Variants in RFC5 observed in about 807,000 individuals in gnomAD.
RFC5 encodes A1 36 kDa subunit.
In RFC5, 26 loss-of-function variants were observed where a neutral mutation model predicts 44.3. That is an observed-to-expected ratio of 0.59 (90% confidence interval 0.43 to 0.81). RFC5 has a LOEUF of 0.81. Among genes scored for constraint, RFC5 ranks in the 40% least tolerant of loss-of-function variants. The probability of loss-of-function intolerance (pLI) is 0.00; values close to 1 mark genes in which losing one functional copy is unlikely to be tolerated. For synonymous variants in RFC5, 155 were observed against 155.2 expected, an observed-to-expected ratio of 1.00 and a Z score of 0.01; for missense variants, 328 against 418.6, an observed-to-expected ratio of 0.78 and a Z score of 1.89.
chr12:118,023,353 C>T (rs928689941), intron 5 of RFC5, among the ~76,000 whole-genome samples: 5 of 142,182 alleles, frequency 3.5e-5, no homozygotes, highest in South Asian at 2.3e-4. Context: ...GAGTTTGTGG[C>T]GAGGGAGTAG....
In RFC5 at chr12:118,016,843, C is replaced by T. The variant is rs374435153; in HGVS notation, c.16C>T (p.Leu6Phe). The T allele has an allele frequency of 3.7e-6, 6 of 1,613,398 alleles. No homozygotes were observed. Among genetic ancestry groups the T allele is most frequent in the African/African-American group, 2.7e-5 (2 of 74,916 alleles). Residue 6 changes from leucine (L) to phenylalanine (F), a missense_variant, in exon 1 of 11, where the codon CTC becomes TTC. By Grantham distance (22) the Leu-to-Phe change is conservative. Coordinates refer to ENST00000454402, the MANE Select transcript of RFC5 (RefSeq NM_007370.7). Reference sequence around the variant, plus strand: ...TCTCCCCGCCATGGAGACCTCAGCACTCAAGCAGCAGGAGCAGCCCGCGGC... The same window carrying T: ...TCTCCCCGCCATGGAGACCTCAGCATTCAAGCAGCAGGAGCAGCCCGCGGC... METSA[L>F]KQQEQPAATK...
intron 10 of RFC5, 62 bp downstream of exon 10, chr12:118,029,887 T>G (rs2031203784): frequency 2.5e-6 from 3 of 1,221,432 alleles, no homozygotes; most frequent in Non-Finnish European, 1.2e-6. Flanking sequence ...TGTGAGTTAT[T>G]TGTTTCAACT....
At chr12:118,024,135 A>C (rs865925051) in intron 5 of RFC5, among the ~76,000 whole-genome samples, 17 of 152,014 alleles carry the variant, frequency 1.1e-4, no homozygotes, top group African/African-American at 4.1e-4. Flanking sequence ...AGGTCAGGAG[A>C]TCGAGACCAT....
chr12:118,031,955 T>C lies in RFC5; in HGVS notation c.*677T>C, dbSNP rs1251177329. The C allele has an allele frequency of 2.6e-5, 4 of 152,254 alleles. No homozygotes were observed. The highest frequency in any genetic ancestry group is 5.9e-5 in the Non-Finnish European group (4 of 68,044). 9.4% of individuals were successfully genotyped at this position (152,254 alleles called of 1,614,324 possible). ...GCTGTATAAAACGCACTTGTTTTCA[T>C]GCAGGAGCGGGGCAAGTAAGGTTGA... On this transcript the variant is annotated 3_prime_UTR_variant, in exon 11 of 11. Transcript: ENST00000454402.
At chr12:118,030,687 G>A (rs1284259740) in intron 10 of RFC5, among the ~76,000 whole-genome samples, 1 of 152,182 alleles carries the variant, frequency 6.6e-6, no homozygotes, top group African/African-American at 2.4e-5. Flanking sequence ...CGCCCAGGCT[G>A]GAGTGCAGTG....
chr12:118,023,411 A>AGGT (rs1187924925), intron 5 of RFC5, among the ~76,000 whole-genome samples: 1 of 30,362 alleles, frequency 3.3e-5, no homozygotes, highest in African/African-American at 2.2e-4. Context: ...GAGGAGGAGG[A>AGGT]GGGGGGAGGA....
Position 118,016,764 on chromosome 12 carries a change from CACTGTGCAG to C in RFC5, c.-63_-55del. Reference sequence around the variant, plus strand: ...GTCTCAGGGTCAGGTCGCGGCTGGTCACTGTGCAGGCGCTTGGGTGACGCGACGATCTCA... The same window carrying C: ...GTCTCAGGGTCAGGTCGCGGCTGGTCGCGCTTGGGTGACGCGACGATCTCA... On this transcript the variant is annotated 5_prime_UTR_variant, in exon 1 of 11. Transcript: ENST00000454402. The C allele has an allele frequency of 1.4e-6, 2 of 1,403,470 alleles. No homozygotes were observed. The highest frequency in any genetic ancestry group is 2.0e-6 in the Non-Finnish European group (2 of 1,008,740). The allele number at this position is 1,403,470 out of a possible 1,614,324, so 86.9% of individuals were successfully genotyped here. A position where few individuals can be genotyped will look rare whatever the true frequency, so the allele number is the denominator to read the frequency against.
intron 4 of RFC5, 39 bp downstream of exon 4, chr12:118,021,024 A>T (rs768221441): frequency 1.1e-4 from 135 of 1,278,458 alleles, no homozygotes; most frequent in Non-Finnish European, 1.4e-4. Flanking sequence ...CTTGATTTTG[A>T]TTAGTAAGAT....
At position 118,024,449 on chromosome 12, in the gene RFC5, A is replaced by G. The variant is rs533477224; in HGVS notation, c.422-402A>G. Among the ~76,000 whole-genome samples, 40 of 151,782 alleles carry G rather than the reference A, an allele frequency of 2.6e-4. No individual in the cohort carries two copies. The South Asian group carries it at 7.9e-3, about 30-fold the overall frequency. ...GTTTACATTCTTTCTTTTTTGAGAC[A>G]GAGTCTCACTCTGTTGCCCACGCTG... On this transcript the variant is annotated intron_variant, in intron 5 of 10. Coordinates refer to ENST00000454402, the MANE Select transcript of RFC5 (RefSeq NM_007370.7).
In RFC5 at chr12:118,031,973, A is replaced by G. The variant is rs989747364; in HGVS notation, c.*695A>G. On this transcript the variant is annotated 3_prime_UTR_variant, in exon 11 of 11. Coordinates refer to ENST00000454402, the MANE Select transcript of RFC5 (RefSeq NM_007370.7). ...GTTTTCATGCAGGAGCGGGGCAAGT[A>G]AGGTTGAGCCTGACTGTAAACCTAG... 1 of 152,222 alleles carries G rather than the reference A, an allele frequency of 6.6e-6. No homozygotes were observed. The highest frequency in any genetic ancestry group is 2.4e-5 in the African/African-American group (1 of 41,472). The allele number at this position is 152,222 out of a possible 1,614,324, so 9.4% of individuals were successfully genotyped here. A position where few individuals can be genotyped will look rare whatever the true frequency, so the allele number is the denominator to read the frequency against.
At chr12:118,021,091 A>C (rs1449326362) in intron 4 of RFC5, 106 bp downstream of exon 4, 1 of 621,530 alleles carries the variant, frequency 1.6e-6, no homozygotes, top group African/African-American at 1.9e-5. Context: ...TTGAAAAAAA[A>C]AGTGACTTTG....
intron 7 of RFC5, 147 bp from the exon 8 acceptor site, chr12:118,026,742 G>C (rs1211829379): frequency 3.8e-6 from 3 of 783,374 alleles, no homozygotes; most frequent in Non-Finnish European, 4.1e-6. Context: ...TTCCGGTATT[G>C]AATATGTGGG....
intron 3 of RFC5, among the ~76,000 whole-genome samples, chr12:118,020,103 A>T (rs1341972708): frequency 6.6e-6 from 1 of 152,158 alleles, no homozygotes; most frequent in Non-Finnish European, 1.5e-5. Flanking sequence ...TCCTGCCTGG[A>T]AGGCTGAGCC....
At chr12:118,035,134 G>C, downstream of RFC5, 1 of 1,613,050 alleles carries the variant, frequency 6.2e-7, no homozygotes, top group Non-Finnish European at 8.5e-7. Context: ...AGCTGACCCA[G>C]GGCCAGACCA....
At chr12:118,020,658 C>A (rs994053323) in intron 3 of RFC5, among the ~76,000 whole-genome samples, 1 of 152,150 alleles carries the variant, frequency 6.6e-6, no homozygotes, top group Non-Finnish European at 1.5e-5. Context: ...TGTAACCATA[C>A]CAATTAATTA....
At chr12:118,017,729 G>A (rs2030191272) in intron 1 of RFC5, 1 of 706,806 alleles carries the variant, frequency 1.4e-6, no homozygotes, top group Non-Finnish European at 2.4e-6. Context: ...GGAGCGCAGT[G>A]GTGTGATCAC....
At chr12:118,021,369 G>A (rs1258155682) in intron 4 of RFC5, among the ~76,000 whole-genome samples, 3 of 151,802 alleles carry the variant, frequency 2.0e-5, no homozygotes, top group Non-Finnish European at 2.9e-5. Context: ...GAGCCATCAC[G>A]CCCAACTAAT....
At chr12:118,021,810 A>T (rs1237438307) in intron 4 of RFC5, among the ~76,000 whole-genome samples, 1 of 152,030 alleles carries the variant, frequency 6.6e-6, no homozygotes, top group African/African-American at 2.4e-5. Context: ...TACAAAAATT[A>T]TCTGGGCATG....
downstream of RFC5, chr12:118,033,896 C>T (rs1049680144): frequency 8.4e-6 from 3 of 358,062 alleles, no homozygotes; most frequent in African/African-American, 6.2e-5. Context: ...TCAGTAACTG[C>T]ACTTTGAATC....
Sources: allele counts gnomAD v4.1 joint callset (sites outside exome capture counted in the v4.1 genomes callset), GRCh38; gene constraint gnomAD v4.1.1; transcripts MANE v1.5; gene names NCBI Gene and HGNC (gene_info 2026-07-23, HGNC 2026-07-21).